The following CDH23 variants were observed in gnomAD, a reference collection of about 807,000 sequenced individuals.
CDH23 encodes the protein cadherin related 23, also known as cadherin-23.
In CDH23, 189 loss-of-function variants were observed where a neutral mutation model predicts 317.1. The observed-to-expected ratio is 0.60, with a 90% CI of 0.53 to 0.67. The LOEUF is 0.67. Ranked by LOEUF, CDH23 falls within the 30% of genes least tolerant of loss-of-function variation. The pLI, the probability that CDH23 is intolerant of heterozygous loss-of-function variation, is 0.00. For missense variants in CDH23, 4,401 were observed against 4,592.4 expected (o/e 0.96, Z 1.20); for synonymous variants, 1,839 against 1,876.8 (o/e 0.98, Z 0.52).
intron 3 of CDH23, among the ~76,000 whole-genome samples, chr10:71,455,454 TTAGA>T (rs1035340689): frequency 6.6e-6 from 1 of 152,104 alleles, no homozygotes; most frequent in Admixed American, 6.6e-5. Context: ...GATAGATAGA[TTAGA>T]TAGATAGATA....
chr10:71,690,997 G>C (rs1865166487), intron 20 of CDH23, among the ~76,000 whole-genome samples: 1 of 152,204 alleles, frequency 6.6e-6, no homozygotes, highest in African/African-American at 2.4e-5. Context: ...AAATGAGGAA[G>C]ATCATATTAG....
intron 6 of CDH23, among the ~76,000 whole-genome samples, chr10:71,512,742 G>A (rs1052528691): frequency 1.3e-5 from 2 of 152,190 alleles, no homozygotes; most frequent in African/African-American, 4.8e-5. Context: ...TCCAACACTC[G>A]GCCCTGTTGG....
At chr10:71,522,075 C>T (rs1413638353) in intron 6 of CDH23, among the ~76,000 whole-genome samples, 1 of 151,882 alleles carries the variant, frequency 6.6e-6, no homozygotes, top group African/African-American at 2.4e-5. Flanking sequence ...ATGCCAGTGG[C>T]ATGAGTTAAT....
chr10:71,813,241 C>T lies in CDH23; in HGVS notation c.9634-3C>T. The stretch of plus-strand genomic sequence containing the variant: ...GTGGGGGTTAACCCTTTCCCTCCCC[C>T]AGGGCTCGCTGCTGAAGGTGGTCCT... On this transcript the variant is annotated splice_polypyrimidine_tract_variant and splice_region_variant and intron_variant, in intron 68 of 69. Coordinates refer to ENST00000224721, the MANE Select transcript of CDH23 (RefSeq NM_022124.6). The T allele has an allele frequency of 1.9e-6, 3 of 1,551,510 alleles. No individual in the cohort carries two copies. Among genetic ancestry groups the T allele is most frequent in the Non-Finnish European group, 2.6e-6 (3 of 1,146,924 alleles).
intron 3 of CDH23, among the ~76,000 whole-genome samples, chr10:71,507,944 T>C (rs1373435095): frequency 6.6e-6 from 1 of 152,214 alleles, no homozygotes; most frequent in Non-Finnish European, 1.5e-5. Context: ...ACTTGCCAAA[T>C]GCCTTCAGCT....
intron 38 of CDH23, chr10:71,753,066 C>T (rs375848739): frequency 1.3e-6 from 2 of 1,573,854 alleles, no homozygotes; most frequent in Admixed American, 3.6e-5. Context: ...AACATCCCTG[C>T]CCCTGCTGGC....
chr10:71,597,017 C>G (rs748347264), intron 9 of CDH23, among the ~76,000 whole-genome samples: 9 of 152,246 alleles, frequency 5.9e-5, no homozygotes, highest in Admixed American at 2.6e-4. Flanking sequence ...CCAGCACACT[C>G]TGGCAGATTT....
In CDH23 at chr10:71,751,416, C is replaced by T; in HGVS notation, c.4845+9495C>T. 1 of 469,450 alleles carries T rather than the reference C, an allele frequency of 2.1e-6. No individual in the cohort carries two copies. Among genetic ancestry groups the T allele is most frequent in the Non-Finnish European group, 3.8e-6 (1 of 264,072 alleles). The allele number at this position is 469,450 out of a possible 1,614,324, so 29.1% of individuals were successfully genotyped here. On this transcript the variant is annotated intron_variant, in intron 38 of 69. Transcript: ENST00000224721. This position sits in a 1 kb window ranked among gnomAD's most constrained non-coding sequence, Gnocchi z 4.9. Reference sequence around the variant, plus strand: ...CCCCTCTGTCCCTCACCCTCAACCCCACCCCGTGAGGCCGTGGAACTCTTC... The same window carrying T: ...CCCCTCTGTCCCTCACCCTCAACCCTACCCCGTGAGGCCGTGGAACTCTTC...
intron 7 of CDH23, among the ~76,000 whole-genome samples, chr10:71,567,239 T>G (rs974854437): frequency 2.0e-5 from 3 of 152,204 alleles, no homozygotes; most frequent in African/African-American, 7.2e-5. Flanking sequence ...TCAGTGACTT[T>G]CCATGGTCAC....
chr10:71,806,024 C>CCGGGTGGGTGGGGG, intron 56 of CDH23, 27 bp downstream of exon 56: 1 of 471,098 alleles, frequency 2.1e-6, no homozygotes. Context: ...GTGCGAGGGG[C>CCGGGTGGGTGGGGG]GGGGTCTGGG....
chr10:71,783,980 A>G (rs914064888), intron 41 of CDH23, among the ~76,000 whole-genome samples: 9 of 152,162 alleles, frequency 5.9e-5, no homozygotes, highest in Admixed American at 1.3e-4. Flanking sequence ...CAACATAGCC[A>G]TCTTACCCAG....
chr10:71,563,746 CTT>C (rs374816063), intron 6 of CDH23, among the ~76,000 whole-genome samples: 1 of 139,824 alleles, frequency 7.2e-6, no homozygotes, highest in African/African-American at 2.6e-5. Flanking sequence ...TTTCTTTTTT[CTT>C]TTTTTTTTTT....
At position 71,706,813 on chromosome 10, in the gene CDH23, GTCTGGTGCTGGAGACGCTGC is replaced by G. The variant is rs1865804574; in HGVS notation, c.2954-78_2954-59del. On this transcript the variant is annotated intron_variant, in intron 25 of 69. Coordinates refer to ENST00000224721, the MANE Select transcript of CDH23 (RefSeq NM_022124.6). ...CCCTTGGGAATTCATTCCCTACTTG[GTCTGGTGCTGGAGACGCTGC>G]TCTGGAGCTGGGTCTTCTGCGGCAG... 2.0e-6 allele frequency: 3 copies of G among 1,507,048 alleles called. 1 individual carries two copies. The East Asian group carries it at 7.4e-5, about 37-fold the overall frequency. The allele number at this position is 1,507,048 out of a possible 1,614,324, so 93.4% of individuals were successfully genotyped here. A position where few individuals can be genotyped will look rare whatever the true frequency, so the allele number is the denominator to read the frequency against.
intron 9 of CDH23, among the ~76,000 whole-genome samples, chr10:71,611,024 G>A (rs1035836733): frequency 6.6e-6 from 1 of 151,494 alleles, no homozygotes; most frequent in Non-Finnish European, 1.5e-5. Flanking sequence ...CTCAGCAGAA[G>A]TGGGGCTGAA....
intron 11 of CDH23, among the ~76,000 whole-genome samples, chr10:71,618,375 C>T (rs1017483097): frequency 4.6e-5 from 7 of 152,086 alleles, no homozygotes; most frequent in Non-Finnish European, 1.0e-4. Context: ...GGGGGCAGGG[C>T]GGCGAGGCCT....
chr10:71,626,212 G>C (rs1325103315), intron 11 of CDH23, among the ~76,000 whole-genome samples: 4 of 152,104 alleles, frequency 2.6e-5, no homozygotes, highest in Non-Finnish European at 5.9e-5. Flanking sequence ...TTCTGAGAAG[G>C]GGGTGCCTGG....
At position 71,615,852 on chromosome 10, in the gene CDH23, C is replaced by T. The variant is rs961495994; in HGVS notation, c.945+236C>T. Reference sequence around the variant, plus strand: ...GCCGCATCCATCATCAACAACCACACGGGTTGGAACTTTTATCCCCTCTCA... The same window carrying T: ...GCCGCATCCATCATCAACAACCACATGGGTTGGAACTTTTATCCCCTCTCA... On this transcript the variant is annotated intron_variant, in intron 10 of 69. Transcript: ENST00000224721. 3.3e-5 allele frequency among the ~76,000 whole-genome samples: 5 copies of T among 152,216 alleles called. 1 individual carries two copies. The highest frequency in any genetic ancestry group is 7.3e-5 in the Non-Finnish European group (5 of 68,046).
At chr10:71,770,247 G>A (rs1393423145) in intron 38 of CDH23, among the ~76,000 whole-genome samples, 1 of 152,248 alleles carries the variant, frequency 6.6e-6, no homozygotes, top group Non-Finnish European at 1.5e-5. Context: ...GCTGTGTTAA[G>A]TGTTCGTTCA....
intron 28 of CDH23, chr10:71,713,264 C>T (rs749256422): frequency 5.1e-6 from 4 of 779,278 alleles, no homozygotes; most frequent in African/African-American, 1.7e-5. Context: ...CTCCTTTGCC[C>T]AGGGAGCAGG....
Sources: allele counts gnomAD v4.1 joint callset (sites outside exome capture counted in the v4.1 genomes callset), GRCh38; gene constraint gnomAD v4.1.1; non-coding constraint Gnocchi (gnomAD v3.1); transcripts MANE v1.5; gene names NCBI Gene and HGNC (gene_info 2026-07-23, HGNC 2026-07-21).